Variants in PREX1 observed in about 807,000 individuals in gnomAD.
PREX1 encodes the protein phosphatidylinositol-3,4,5-trisphosphate dependent Rac exchange factor 1, also known as phosphatidylinositol 3,4,5-trisphosphate-dependent Rac exchanger 1 protein.
PREX1 carries 41 observed loss-of-function variants against 198.3 expected under a neutral mutation model. The ratio of observed to expected loss-of-function variants is 0.21; its 90% CI spans 0.16 to 0.27. PREX1 has a LOEUF of 0.27. Ranked by LOEUF, PREX1 falls within the 10% of genes least tolerant of loss-of-function variation. PREX1 has a pLI of 1.00. For missense variants in PREX1, 1,620 were observed against 2,200.7 expected, an observed-to-expected ratio of 0.74 and a Z score of 5.28; for synonymous variants, 843 against 887.2, an observed-to-expected ratio of 0.95 and a Z score of 0.89.
intron 1 of PREX1, among the ~76,000 whole-genome samples, chr20:48,791,280 G>A (rs377005042): frequency 5.9e-5 from 9 of 152,202 alleles, no homozygotes; most frequent in African/African-American, 1.9e-4. Flanking sequence ...GTGTCTGCAC[G>A]TCTGTGCATT....
rs1460147917 is a variant in PREX1, at chr20:48,639,860, G to T, written c.3810C>A (p.Gly1270=). Residue 1270 remains glycine, a synonymous_variant, in exon 30 of 40, where the codon GGC becomes GGA. Transcript: ENST00000371941. ...GGATGCTAATCTGGATCAGGCTCCG[G>T]CCACGGATTGTACACTCTTCTTTCT... The part of the protein sequence containing the change: ...FKQKEECTIR[G]RSLIQISIQE... 6.2e-7 allele frequency: 1 copy of T among 1,613,906 alleles called. No homozygotes were observed. The highest frequency in any genetic ancestry group is 1.3e-5 in the African/African-American group (1 of 74,904).
intron 1 of PREX1, among the ~76,000 whole-genome samples, chr20:48,766,006 T>C (rs898675766): frequency 6.6e-6 from 1 of 152,122 alleles, no homozygotes; most frequent in Admixed American, 6.5e-5. Flanking sequence ...GGGATCTAGG[T>C]TGCACCCTCC....
chr20:48,679,457 C>T (rs780162576), intron 12 of PREX1, 48 bp from the exon 13 acceptor site: 5 of 1,577,972 alleles, frequency 3.2e-6, no homozygotes, highest in Admixed American at 1.7e-5. Flanking sequence ...ACATCCTTCA[C>T]GAGCCTCCAA....
chr20:48,693,227 A>C (rs935826961), intron 7 of PREX1, among the ~76,000 whole-genome samples: 1 of 130,428 alleles, frequency 7.7e-6, no homozygotes, highest in East Asian at 2.1e-4. Context: ...TCCATCCATC[A>C]TCCACCTTCC....
intron 1 of PREX1, among the ~76,000 whole-genome samples, chr20:48,768,719 G>A (rs1274317168): frequency 2.6e-5 from 4 of 151,856 alleles, no homozygotes; most frequent in Non-Finnish European, 5.9e-5. Context: ...AGGTTGCAGT[G>A]AGCTGAGATC....
Position 48,652,643 on chromosome 20 carries a change from C to G in PREX1, c.2410G>C (p.Ala804Pro). The G allele has an allele frequency of 3.7e-6, 6 of 1,613,708 alleles. No individual in the cohort carries two copies. The highest frequency in any genetic ancestry group is 5.1e-6 in the Non-Finnish European group (6 of 1,179,774). Residue 804 changes from alanine to proline, a missense_variant, in exon 21 of 40, where the codon GCC (alanine) becomes CCC (proline). Physicochemically the swap from Ala to Pro is conservative, Grantham distance 27. This residue lies in a region of PREX1 where 514 missense variants were observed against 611.6 expected (regional missense o/e 0.84). Coordinates refer to ENST00000371941, the MANE Select transcript of PREX1 (RefSeq NM_020820.4). The part of the protein sequence containing the change: ...DAQEARASQE[A>P]STEDPSGEQA... ...TCGCCACTGGGGTCCTCAGTGGAGG[C>G]CTCCTGACTGGCTCGTGCTTCCTGG... is the stretch of plus-strand genomic sequence containing the variant.
intron 1 of PREX1, among the ~76,000 whole-genome samples, chr20:48,758,128 C>G (rs1057506175): frequency 7.2e-5 from 11 of 151,992 alleles, no homozygotes; most frequent in African/African-American, 2.7e-4. Context: ...GAGGTGGAAC[C>G]AAGAAGGGAA....
chr20:48,661,472 C>T lies in PREX1; in HGVS notation c.1739-1411G>A, dbSNP rs866208648. 2.4e-3 allele frequency among the ~76,000 whole-genome samples: 212 copies of T among 89,346 alleles called. 2 individuals are homozygous for T. Among genetic ancestry groups the T allele is most frequent in the African/African-American group, 0.011 (192 of 17,222 alleles). The allele number at this position is 89,346 out of a possible 152,430, so 58.6% of individuals were successfully genotyped here. A position where few individuals can be genotyped will look rare whatever the true frequency, so the allele number is the denominator to read the frequency against. On this transcript the variant is annotated intron_variant, in intron 15 of 39. Transcript: ENST00000371941. ...ATATATATATATATATATATATACA[C>T]ACACATATATATAATATAATATATA...
intron 3 of PREX1, among the ~76,000 whole-genome samples, chr20:48,741,211 G>A (rs1461670079): frequency 1.3e-5 from 2 of 152,184 alleles, no homozygotes; most frequent in African/African-American, 4.8e-5. Flanking sequence ...CTGAACTGAA[G>A]AACACTGGCT....
chr20:48,727,468 T>C (rs1047218083), intron 4 of PREX1, among the ~76,000 whole-genome samples: 1 of 151,960 alleles, frequency 6.6e-6, no homozygotes, highest in Admixed American at 6.6e-5. Flanking sequence ...AAAATAATAA[T>C]AATAATAATA....
intron 1 of PREX1, among the ~76,000 whole-genome samples, chr20:48,784,173 C>T (rs2090301932): frequency 6.6e-6 from 1 of 152,134 alleles, no homozygotes; most frequent in South Asian, 2.1e-4. Context: ...TTCTGACCAT[C>T]AGAGAGTGCA....
intron 1 of PREX1, among the ~76,000 whole-genome samples, chr20:48,794,387 C>T (rs932324698): frequency 1.1e-4 from 16 of 152,206 alleles, no homozygotes; most frequent in Admixed American, 3.3e-4. Flanking sequence ...GGAGGCAAAG[C>T]TGGGAAGACA....
the PREX1 span, among the ~76,000 whole-genome samples, chr20:48,873,745 A>T: frequency 2.8e-3 from 433 of 152,140 alleles, 2 homozygotes; most frequent in African/African-American, 1.0e-2. Flanking sequence ...AATAAAAATT[A>T]AAAAAATAAA....
At chr20:48,753,384 C>T (rs1249717698) in intron 1 of PREX1, among the ~76,000 whole-genome samples, 1 of 152,186 alleles carries the variant, frequency 6.6e-6, no homozygotes, top group Non-Finnish European at 1.5e-5. Context: ...TGGTTCTCAA[C>T]TTGGGGGTGA....
the PREX1 span, among the ~76,000 whole-genome samples, chr20:48,861,904 A>G: frequency 6.6e-6 from 1 of 152,062 alleles, no homozygotes; most frequent in African/African-American, 2.4e-5. Flanking sequence ...CCTCCCCTCG[A>G]AAAATAGAGA....
intron 15 of PREX1, among the ~76,000 whole-genome samples, chr20:48,663,338 G>A (rs6095228): frequency 0.065 from 9,923 of 152,278 alleles, 380 homozygotes; most frequent in South Asian, 0.13. Flanking sequence ...CAAGGGAACC[G>A]CAAATCCAGC....
intron 20 of PREX1, among the ~76,000 whole-genome samples, 156 bp from the exon 21 acceptor site, chr20:48,652,862 A>G (rs143626190): frequency 1.3e-5 from 2 of 152,212 alleles, no homozygotes; most frequent in Admixed American, 1.3e-4. Flanking sequence ...TATGCTCCAT[A>G]CAGAAGCCAG....
the PREX1 span, among the ~76,000 whole-genome samples, chr20:48,857,073 A>G: frequency 6.6e-6 from 1 of 152,136 alleles, no homozygotes. Context: ...TCCCAACGTC[A>G]GGTGATCCAC....
At chr20:48,809,366 C>T (rs2090425049) in intron 1 of PREX1, among the ~76,000 whole-genome samples, 1 of 152,188 alleles carries the variant, frequency 6.6e-6, no homozygotes, top group African/African-American at 2.4e-5. Context: ...TCCCACCTGG[C>T]ATCCCTCCCC....
Sources: allele counts gnomAD v4.1 joint callset (sites outside exome capture counted in the v4.1 genomes callset), GRCh38; gene constraint gnomAD v4.1.1; regional missense constraint gnomAD v4.1.1; transcripts MANE v1.5; gene names NCBI Gene and HGNC (gene_info 2026-07-23, HGNC 2026-07-21).